Variants in RHEB observed in about 807,000 individuals in gnomAD.
RHEB encodes the protein Ras homolog, mTORC1 binding, also known as GTP-binding protein Rheb.
In RHEB, 2 loss-of-function variants were observed where a neutral mutation model predicts 28.8. The observed-to-expected ratio is 0.07, with a 90% confidence interval of 0.03 to 0.22. The LOEUF is 0.22. Ranked by LOEUF, RHEB falls within the 10% of genes least tolerant of loss-of-function variation. RHEB has a pLI of 1.00. For synonymous variants in RHEB, 69 were observed against 77.3 expected (o/e 0.89, Z 0.56); for missense variants, 76 against 219.9 (o/e 0.35, Z 4.14).
intron 1 of RHEB, among the ~76,000 whole-genome samples, chr7:151,500,556 T>TA (rs921544811): frequency 3.6e-4 from 54 of 151,976 alleles, no homozygotes; most frequent in African/African-American, 1.3e-3. Flanking sequence ...TCAGAAAAAA[T>TA]AAAAGAGAGG....
At chr7:151,495,654 A>G (rs1230208600) in intron 1 of RHEB, among the ~76,000 whole-genome samples, 1 of 152,180 alleles carries the variant, frequency 6.6e-6, no homozygotes, top group Non-Finnish European at 1.5e-5. Flanking sequence ...TTATTCTCCT[A>G]AAAAATAACT....
rs114234469 is a variant in RHEB at position 151,476,740 on chromosome 7, C to T, written c.275+593G>A. 2.6e-3 allele frequency among the ~76,000 whole-genome samples: 397 copies of T among 152,308 alleles called. 2 individuals are homozygous for T. The highest frequency in any genetic ancestry group is 0.01 in the Middle Eastern group (3 of 294). On this transcript the variant is annotated intron_variant, in intron 4 of 7. Coordinates refer to ENST00000262187, the MANE Select transcript of RHEB (RefSeq NM_005614.4). Reference sequence around the variant, plus strand: ...TTCAAACATAAGCTGTCACCAATGCCCAGAGCTCCGCTGCTGTATACAGCC... The same window carrying T: ...TTCAAACATAAGCTGTCACCAATGCTCAGAGCTCCGCTGCTGTATACAGCC...
intron 1 of RHEB, among the ~76,000 whole-genome samples, chr7:151,504,125 T>C (rs1267636387): frequency 2.6e-5 from 4 of 152,166 alleles, no homozygotes; most frequent in Non-Finnish European, 4.4e-5. Context: ...CATGAAGCAT[T>C]TGGGCCAGTG....
intron 3 of RHEB, among the ~76,000 whole-genome samples, chr7:151,478,203 C>T (rs1252208217): frequency 2.0e-5 from 3 of 152,092 alleles, no homozygotes; most frequent in African/African-American, 4.8e-5. Context: ...CTGGTACGAA[C>T]GTTTCATTCT....
intron 1 of RHEB, among the ~76,000 whole-genome samples, chr7:151,500,761 T>C (rs1399388568): frequency 1.3e-5 from 2 of 152,172 alleles, no homozygotes; most frequent in Non-Finnish European, 2.9e-5. Context: ...AAATAGATCA[T>C]ATTGCTTGAG....
At chr7:151,510,954 C>T (rs1041095693) in intron 1 of RHEB, among the ~76,000 whole-genome samples, 3 of 152,048 alleles carry the variant, frequency 2.0e-5, no homozygotes, top group Non-Finnish European at 4.4e-5. Context: ...TGGCACACAC[C>T]CATAGTCCCA....
intron 2 of RHEB, among the ~76,000 whole-genome samples, chr7:151,489,114 T>C (rs1434881649): frequency 1.3e-5 from 2 of 152,160 alleles, no homozygotes; most frequent in East Asian, 1.9e-4. Context: ...CAGTATGAAA[T>C]GGCATGAGGA....
intron 4 of RHEB, among the ~76,000 whole-genome samples, chr7:151,476,420 T>C (rs866593687): frequency 1.3e-5 from 2 of 152,240 alleles, no homozygotes; most frequent in African/African-American, 4.8e-5. Flanking sequence ...ATCACCGCAG[T>C]AAGTTCTATT....
At chr7:151,502,454 G>C (rs977778184) in intron 1 of RHEB, 3 of 833,342 alleles carry the variant, frequency 3.6e-6, no homozygotes, top group Non-Finnish European at 6.4e-6. Context: ...AGTACCTCCA[G>C]ATGGTCTGGT....
chr7:151,506,604 TAA>T (rs934522248), intron 1 of RHEB, among the ~76,000 whole-genome samples: 2 of 152,132 alleles, frequency 1.3e-5, no homozygotes, highest in Non-Finnish European at 2.9e-5. Flanking sequence ...CCGCTTAGGA[TAA>T]AAAAAGTATT....
intron 1 of RHEB, among the ~76,000 whole-genome samples, chr7:151,508,624 T>C (rs1419234905): frequency 6.8e-6 from 1 of 147,516 alleles, no homozygotes; most frequent in Admixed American, 7.1e-5. Context: ...TACATTAGGT[T>C]ATATTTTTAG....
At chr7:151,510,676 C>T (rs752505133) in intron 1 of RHEB, among the ~76,000 whole-genome samples, 5 of 152,210 alleles carry the variant, frequency 3.3e-5, no homozygotes, top group Non-Finnish European at 5.9e-5. Flanking sequence ...TTGAATAACA[C>T]ATAACACTCA....
intron 3 of RHEB, among the ~76,000 whole-genome samples, chr7:151,480,338 G>T (rs1292429262): frequency 6.6e-6 from 1 of 152,026 alleles, no homozygotes; most frequent in Non-Finnish European, 1.5e-5. Context: ...GAGGCCATAG[G>T]TATTGATATG....
At position 151,518,789 on chromosome 7, in the gene RHEB, C is replaced by T. The variant is rs146021178; in HGVS notation, c.52+671G>A. Among the ~76,000 whole-genome samples the T allele has an allele frequency of 3.9e-3, 591 of 152,306 alleles. 3 individuals carry two copies. Among genetic ancestry groups the T allele is most frequent in the Non-Finnish European group, 5.8e-3 (396 of 68,026 alleles). The stretch of plus-strand genomic sequence containing the variant: ...TTCCTTCCCGAACAAAAATAGGGCA[C>T]CGAGAGATCAGACATTCCTTTTTCT... On this transcript the variant is annotated intron_variant, in intron 1 of 7. Coordinates refer to ENST00000262187, the MANE Select transcript of RHEB (RefSeq NM_005614.4).
chr7:151,467,687 A>C (rs1189883707), intron 7 of RHEB, among the ~76,000 whole-genome samples: 3 of 152,124 alleles, frequency 2.0e-5, no homozygotes, highest in East Asian at 3.9e-4. Flanking sequence ...CCACGATGCC[A>C]GCCTCCAACA....
At chr7:151,502,278 C>A in intron 1 of RHEB, 1 of 661,340 alleles carries the variant, frequency 1.5e-6, no homozygotes. Context: ...AGCAATGGCA[C>A]TAGCATGATA....
At chr7:151,508,010 C>G (rs183306425) in intron 1 of RHEB, among the ~76,000 whole-genome samples, 182 of 152,166 alleles carry the variant, frequency 1.2e-3, no homozygotes, top group Non-Finnish European at 2.0e-3. Flanking sequence ...GGTTTAAAGA[C>G]AAAGCTGAGG....
chr7:151,479,703 TAATA>T (rs922841482), intron 3 of RHEB, among the ~76,000 whole-genome samples: 4 of 148,672 alleles, frequency 2.7e-5, no homozygotes, highest in Non-Finnish European at 5.9e-5. Context: ...AAAAAAAGAT[TAATA>T]AATAAATTCA....
chr7:151,468,735 T>G lies in RHEB; in HGVS notation c.463-1524A>C, dbSNP rs1258650039. On this transcript the variant is annotated intron_variant, in intron 7 of 7. Transcript: ENST00000262187. The surrounding 1 kb of genome is among the most constrained non-coding windows in gnomAD (Gnocchi z 4.3). Reference sequence around the variant, plus strand: ...TCCTCAGCCTTCTGTCCTGTTGGTATGAATGAGGCGTCTGTCCTCCTAGTT... The same window carrying G: ...TCCTCAGCCTTCTGTCCTGTTGGTAGGAATGAGGCGTCTGTCCTCCTAGTT... 6.6e-6 allele frequency among the ~76,000 whole-genome samples: 1 copy of G among 152,244 alleles called. No homozygotes were observed. The highest frequency in any genetic ancestry group is 2.4e-5 in the African/African-American group (1 of 41,462).
Sources: gnomAD v4.1 joint callset for allele counts (sites outside exome capture counted in the v4.1 genomes callset) on GRCh38, gnomAD v4.1.1 for gene constraint, Gnocchi (gnomAD v3.1) non-coding constraint, MANE v1.5 for transcripts, NCBI Gene and HGNC (gene_info 2026-07-23, HGNC 2026-07-21) for gene names.